FLNA: variants seen among roughly 807,000 people sequenced by gnomAD.
FLNA encodes filamin A.
In FLNA, 7 loss-of-function variants were observed where a neutral mutation model predicts 157.6. That is an observed-to-expected ratio of 0.04 (90% CI 0.03 to 0.08). The LOEUF (loss-of-function observed/expected upper bound fraction) is 0.08. Ranked by LOEUF, FLNA falls within the 10% of genes least tolerant of loss-of-function variation. The pLI is 1.00. For synonymous variants in FLNA, 1,103 were observed against 1,060.8 expected (o/e 1.04, Z -0.77); for missense variants, 1,750 against 2,398.4 (o/e 0.73, Z 5.65).
At chrX:154,350,753 G>A (rs996437134) in intron 44 of FLNA, 156 bp downstream of exon 44, 7 of 579,953 alleles carry the variant, frequency 1.2e-5, no homozygotes, top group South Asian at 7.6e-5. Flanking sequence ...CATCCCCAGC[G>A]GCTTGGGTCA....
At position 154,366,091 on chromosome X, in the gene FLNA, G is replaced by A; in HGVS notation, c.1362C>T (p.His454=). ...CSYQPTMEGV[H]TVHVTFAGVP... ...CGCCGGCAAACGTGACGTGCACGGT[G>A]TGGACGCCCTCCATGGTGGGCTGGT... The change falls in exon 9 of 48, where the codon CAC becomes CAT. Residue 454 remains histidine, a synonymous_variant. Coordinates refer to ENST00000369850, the MANE Select transcript of FLNA (RefSeq NM_001110556.2). 1 of 1,210,548 alleles carries A rather than the reference G, an allele frequency of 8.3e-7. No individual in the cohort carries two copies. The highest frequency in any genetic ancestry group is 2.2e-5 in the Admixed American group (1 of 46,146).
At position 154,358,500 on chromosome X, in the gene FLNA, G is replaced by T. The variant is rs186214592; in HGVS notation, c.4543C>A (p.Arg1515=). 8.3e-7 allele frequency: 1 copy of T among 1,208,411 alleles called. No individual in the cohort carries two copies. Among genetic ancestry groups the T allele is most frequent in the East Asian group, 3.0e-5 (1 of 33,759 alleles). ...ACTGAGATGCTGTAGGGCCCTTCTC[G>T]GCTGGGCACATAATTGACGGTCTGG... ...GTQTVNYVPS[R]EGPYSISVLY... is the part of the protein sequence containing the mutation. Residue 1515 remains arginine, a synonymous_variant, in exon 27 of 48, where the codon CGA becomes AGA. Coordinates refer to ENST00000369850, the MANE Select transcript of FLNA (RefSeq NM_001110556.2).
At chrX:154,363,384 C>G (rs1286795112) in intron 15 of FLNA, among the ~76,000 whole-genome samples, 1 of 107,095 alleles carries the variant, frequency 9.3e-6, no homozygotes, top group Non-Finnish European at 1.9e-5. Context: ...CGTCATTGCA[C>G]TCCAGCCTGG....
At chrX:154,358,163 G>GC in intron 28 of FLNA, 36 bp downstream of exon 28, 1 of 1,202,478 alleles carries the variant, frequency 8.3e-7, no homozygotes. Context: ...AGCCGCCCAG[G>GC]CCCCCCTGCC....
rs1557177683 is a variant in FLNA, at chrX:154,360,093, C to T, written c.3702G>A (p.Lys1234=). 1 of 1,211,371 alleles carries T rather than the reference C, an allele frequency of 8.3e-7. No homozygotes were observed. Among genetic ancestry groups the T allele is most frequent in the South Asian group, 1.8e-5 (1 of 57,052 alleles). The change falls in exon 22 of 48, where the codon AAG becomes AAA. Residue 1234 remains lysine, a synonymous_variant. Transcript: ENST00000369850. ...AGTTGGGCACGGGCTGGCCGCCGTACTTGATGGTGACGGTGTAGGCCCCGG... is the reference window on the plus strand; with the variant it reads ...AGTTGGGCACGGGCTGGCCGCCGTATTTGATGGTGACGGTGTAGGCCCCGG... ...LCPGAYTVTI[K]YGGQPVPNFP...
chrX:154,357,139 G>A lies in FLNA; in HGVS notation c.4969+112C>T, dbSNP rs924433956. On this transcript the variant is annotated intron_variant, in intron 30 of 47. Transcript: ENST00000369850. Reference sequence around the variant, plus strand: ...CATCTTCTGCACCCCACCCAACTCTGTCCCTGCCTAGAGCTGCAGCTGGAA... The same window carrying A: ...CATCTTCTGCACCCCACCCAACTCTATCCCTGCCTAGAGCTGCAGCTGGAA... 3.9e-6 allele frequency: 3 copies of A among 776,285 alleles called. No homozygotes were observed. In the African/African-American group the frequency reaches 6.3e-5, roughly 16 times the overall value. 64.0% of individuals were successfully genotyped at this position (776,285 alleles called of 1,213,427 possible).
In FLNA at chrX:154,361,362, G is replaced by C. The variant is rs782289085; in HGVS notation, c.3153C>G (p.Pro1051=). 1 of 1,210,190 alleles carries C rather than the reference G, an allele frequency of 8.3e-7. No homozygotes were observed. Among genetic ancestry groups the C allele is most frequent in the Non-Finnish European group, 1.1e-6 (1 of 895,180 alleles). ...YEVEVTYDGV[P]VPGSPFPLEA... ...CCAGAGGAAAGGGGCTGCCAGGCAC[G>C]GGCACGCCGTCATAGGTCACCTCCA... The change falls in exon 21 of 48, where the codon CCC becomes CCG. Residue 1051 remains proline (P), a synonymous_variant. Coordinates refer to ENST00000369850, the MANE Select transcript of FLNA (RefSeq NM_001110556.2).
At chrX:154,350,339 G>GCT in intron 44 of FLNA, 132 bp from the exon 45 acceptor site, 1 of 570,369 alleles carries the variant, frequency 1.8e-6, no homozygotes, top group African/African-American at 2.2e-5. Flanking sequence ...GCCACGCTGG[G>GCT]CACCTGCACC....
Position 154,352,329 on chromosome X carries a change from C to A in FLNA, c.6621G>T (p.Met2207Ile). The part of the protein sequence containing the change: ...TYCIRFVPAE[M>I]GTHTVSVKYK... ...ACTTCACGCTGACTGTGTGTGTGCC[C>A]ATCTCAGCGGGAACAAAGCGGATGC... is the stretch of plus-strand genomic sequence containing the variant. The change falls in exon 41 of 48, where the codon ATG (methionine) becomes ATT (isoleucine). Residue 2207 changes from methionine (M) to isoleucine (I), a missense_variant. Around this residue, in one of 5 missense-constraint regions of FLNA, gnomAD observed 970 missense variants for 1,302.6 expected, o/e 0.74. Coordinates refer to ENST00000369850, the MANE Select transcript of FLNA (RefSeq NM_001110556.2). 1 of 1,211,698 alleles carries A rather than the reference C, an allele frequency of 8.3e-7. No individual in the cohort carries two copies. The highest frequency in any genetic ancestry group is 1.1e-6 in the Non-Finnish European group (1 of 895,477).
In FLNA at chrX:154,362,475, G is replaced by A; in HGVS notation, c.2508C>T (p.Val836=). 2 of 1,211,879 alleles carry A rather than the reference G, an allele frequency of 1.7e-6. No homozygotes were observed. The highest frequency in any genetic ancestry group is 2.2e-6 in the Non-Finnish European group (2 of 895,432). The change falls in exon 17 of 48, where the codon GTC becomes GTT. Residue 836 remains valine, a synonymous_variant. Coordinates refer to ENST00000369850, the MANE Select transcript of FLNA (RefSeq NM_001110556.2). ...IIRNDNDTFT[V]KYTPRGAGSY... Reference sequence around the variant, plus strand: ...TGCCAGCCCCCCGGGGCGTGTACTTGACCGTGAAGGTGTCATTGTCATTGC... The same window carrying A: ...TGCCAGCCCCCCGGGGCGTGTACTTAACCGTGAAGGTGTCATTGTCATTGC...
chrX:154,364,237 C>G (rs983127237), intron 14 of FLNA, 22 bp downstream of exon 14: 2 of 1,209,336 alleles, frequency 1.7e-6, no homozygotes, highest in African/African-American at 3.5e-5. Flanking sequence ...TGCCCTGCCC[C>G]CAACACCCGT....
chrX:154,352,455 G>A lies in FLNA; in HGVS notation c.6503-8C>T, dbSNP rs1288120261. 8.3e-7 allele frequency: 1 copy of A among 1,210,438 alleles called. No individual in the cohort carries two copies. Among genetic ancestry groups the A allele is most frequent in the African/African-American group, 1.7e-5 (1 of 57,589 alleles). On this transcript the variant is annotated splice_polypyrimidine_tract_variant and splice_region_variant and intron_variant, in intron 40 of 47. Coordinates refer to ENST00000369850, the MANE Select transcript of FLNA (RefSeq NM_001110556.2). ...TATCCTGGATGCTAATTTCTGCAGG[G>A]TGGGGATGGGCTAGTGAGCAGCAGC...
In FLNA at chrX:154,365,959, G is replaced by A. The variant is rs1395864842; in HGVS notation, c.1429+65C>T. 3.7e-6 allele frequency: 4 copies of A among 1,076,021 alleles called. No homozygotes were observed. In the Admixed American group the frequency reaches 9.3e-5, roughly 25 times the overall value. 88.7% of individuals were successfully genotyped at this position (1,076,021 alleles called of 1,213,427 possible). A position where few individuals can be genotyped will look rare whatever the true frequency, so the allele number is the denominator to read the frequency against. ...GGCTGCAGCGGGACTGGCCCAGGGG[G>A]TCCCCCTCCTGTGGGAGGCCCAGAC... On this transcript the variant is annotated intron_variant, in intron 9 of 47. Transcript: ENST00000369850.
chrX:154,369,790 G>A (rs782432865), intron 2 of FLNA, among the ~76,000 whole-genome samples: 3 of 111,817 alleles, frequency 2.7e-5, no homozygotes, highest in Non-Finnish European at 3.8e-5. Context: ...CCTGCCCCTC[G>A]CCTCAACTGG....
At chrX:154,371,504 C>T (rs2067808435) in intron 1 of FLNA, 143 bp from the exon 2 acceptor site, 1 of 393,048 alleles carries the variant, frequency 2.5e-6, no homozygotes, top group African/African-American at 2.6e-5. Context: ...CCACTAGGCC[C>T]CCGGGTTCGG....
In FLNA at chrX:154,359,814, G is replaced by A; in HGVS notation, c.3897C>T (p.Asn1299=). 3 of 1,210,759 alleles carry A rather than the reference G, an allele frequency of 2.5e-6. No homozygotes were observed. Among genetic ancestry groups the A allele is most frequent in the Non-Finnish European group, 3.4e-6 (3 of 895,170 alleles). ...AGGTCTCCGTCAGGTTGCCTGAGGG[G>A]TTGGCCACACGGGCCTTGACGTGCG... ...GGPHVKARVA[N]PSGNLTETYV... The change falls in exon 23 of 48, where the codon AAC becomes AAT. Residue 1299 remains asparagine, a synonymous_variant. Coordinates refer to ENST00000369850, the MANE Select transcript of FLNA (RefSeq NM_001110556.2).
In FLNA at chrX:154,366,165, C is replaced by T. The variant is rs1557179208; in HGVS notation, c.1288G>A (p.Val430Ile). ...IQDPMGQKGTVEPQLEARGDS... is the reference protein window; with the variant it reads ...IQDPMGQKGTIEPQLEARGDS... ...CCCCGGGCCTCCAGCTGAGGCTCTA[C>T]CGTGCCCTTCTGTCCCATGGGGTCC... is the stretch of plus-strand genomic sequence containing the variant. The change falls in exon 9 of 48, where the codon GTA (valine) becomes ATA (isoleucine). Residue 430 changes from valine (V) to isoleucine (I), a missense_variant. Physicochemically the swap from Val to Ile is conservative, Grantham distance 29. This residue lies in a region of FLNA where 648 missense variants were observed against 805.8 expected (regional missense o/e 0.80). Coordinates refer to ENST00000369850, the MANE Select transcript of FLNA (RefSeq NM_001110556.2). 8.3e-7 allele frequency: 1 copy of T among 1,210,694 alleles called. No individual in the cohort carries two copies. The highest frequency in any genetic ancestry group is 2.2e-5 in the Admixed American group (1 of 46,127).
chrX:154,350,730 G>T, intron 44 of FLNA, 179 bp downstream of exon 44: 1 of 505,780 alleles, frequency 2.0e-6, no homozygotes. Context: ...TAATAGCTGT[G>T]GGTGGCGAGC....
chrX:154,358,371 G>A lies in FLNA; in HGVS notation c.4599-16C>T. ...CTTGAAGGGGCTGTGAGGGATTGGTGTTGTGAGCAGTCAGACAGGTTCTCA... is the reference window on the plus strand; with the variant it reads ...CTTGAAGGGGCTGTGAGGGATTGGTATTGTGAGCAGTCAGACAGGTTCTCA... On this transcript the variant is annotated splice_polypyrimidine_tract_variant and intron_variant, in intron 27 of 47. Coordinates refer to ENST00000369850, the MANE Select transcript of FLNA (RefSeq NM_001110556.2). 5.8e-6 allele frequency: 7 copies of A among 1,211,511 alleles called. No homozygotes were observed. The African/African-American group carries it at 1.2e-4, about 21-fold the overall frequency.
Sources: gnomAD v4.1 joint callset for allele counts (sites outside exome capture counted in the v4.1 genomes callset) on GRCh38, gnomAD v4.1.1 for gene constraint, gnomAD v4.1.1 regional missense constraint, MANE v1.5 for transcripts, NCBI Gene and HGNC (gene_info 2026-07-23, HGNC 2026-07-21) for gene names.